Variants in ANKS1B observed in about 807,000 individuals in gnomAD.
The protein encoded by ANKS1B is ankyrin repeat and sterile alpha motif domain containing 1B.
In ANKS1B, 36 loss-of-function variants were observed where a neutral mutation model predicts 148.3. The ratio of observed to expected loss-of-function variants is 0.24; its 90% CI spans 0.19 to 0.32. ANKS1B has a LOEUF of 0.32. Among genes scored for constraint, ANKS1B ranks in the 10% least tolerant of loss-of-function variants. The pLI, the probability that ANKS1B is intolerant of heterozygous loss-of-function variation, is 1.00. For missense variants in ANKS1B, 1,157 were observed against 1,542.6 expected, an observed-to-expected ratio of 0.75 and a Z score of 4.19; for synonymous variants, 542 against 560.8, an observed-to-expected ratio of 0.97 and a Z score of 0.47.
chr12:99,374,973 T>C (rs1252798202), intron 12 of ANKS1B, among the ~76,000 whole-genome samples: 1 of 152,228 alleles, frequency 6.6e-6, no homozygotes, highest in East Asian at 1.9e-4. Flanking sequence ...TGTTGTAAAG[T>C]AATAATGACG....
At chr12:99,248,146 G>A (rs956057427) in intron 12 of ANKS1B, among the ~76,000 whole-genome samples, 16 of 151,990 alleles carry the variant, frequency 1.1e-4, no homozygotes, top group African/African-American at 3.1e-4. Flanking sequence ...CCAAAATATC[G>A]AATTCTCACA....
chr12:99,491,517 A>T (rs911572170), intron 10 of ANKS1B, among the ~76,000 whole-genome samples: 3 of 152,036 alleles, frequency 2.0e-5, no homozygotes, highest in Admixed American at 2.0e-4. Flanking sequence ...ATACTTATTT[A>T]TTCTGATCCT....
At chr12:98,913,990 A>G (rs1282298298) in intron 17 of ANKS1B, among the ~76,000 whole-genome samples, 1 of 152,128 alleles carries the variant, frequency 6.6e-6, no homozygotes, top group Non-Finnish European at 1.5e-5. Flanking sequence ...GCCAAAATCC[A>G]TGGGCTTATC....
chr12:99,769,977 T>C (rs1224456388), intron 8 of ANKS1B, among the ~76,000 whole-genome samples: 1 of 152,184 alleles, frequency 6.6e-6, no homozygotes, highest in Non-Finnish European at 1.5e-5. Flanking sequence ...GCTTAGTCTC[T>C]CCCTACCTCC....
intron 9 of ANKS1B, chr12:99,648,829 G>C (rs372189861): frequency 2.6e-5 from 41 of 1,572,530 alleles, no homozygotes; most frequent in Admixed American, 3.7e-5. Flanking sequence ...TGGATGCTTT[G>C]GGGGAGAGCA....
chr12:99,804,808 G>A (rs2067382250), intron 4 of ANKS1B, among the ~76,000 whole-genome samples: 1 of 152,132 alleles, frequency 6.6e-6, no homozygotes, highest in Admixed American at 6.5e-5. Flanking sequence ...TGGCAGAAGT[G>A]AAGGTGTACT....
intron 12 of ANKS1B, among the ~76,000 whole-genome samples, chr12:99,348,637 G>T (rs1254402820): frequency 2.0e-5 from 3 of 151,824 alleles, no homozygotes; most frequent in Non-Finnish European, 4.4e-5. Flanking sequence ...ACAGTGAAAT[G>T]ACTTATTTAA....
At chr12:99,278,814 A>G (rs980899856) in intron 12 of ANKS1B, among the ~76,000 whole-genome samples, 13 of 152,250 alleles carry the variant, frequency 8.5e-5, no homozygotes, top group Non-Finnish European at 1.9e-4. Flanking sequence ...CATCCTGAAA[A>G]TATGAAAGGA....
chr12:99,724,193 A>T (rs770039659), intron 8 of ANKS1B, among the ~76,000 whole-genome samples: 3 of 152,192 alleles, frequency 2.0e-5, no homozygotes, highest in Non-Finnish European at 2.9e-5. Context: ...GAAGGTGGGT[A>T]ATATCAAATT....
intron 9 of ANKS1B, among the ~76,000 whole-genome samples, chr12:99,521,337 G>T (rs1387577377): frequency 6.6e-6 from 1 of 152,080 alleles, no homozygotes. Context: ...CAGCTATTTT[G>T]AATTATCTGT....
intron 17 of ANKS1B, among the ~76,000 whole-genome samples, chr12:98,851,425 A>G (rs2099525006): frequency 6.6e-6 from 1 of 152,192 alleles, no homozygotes; most frequent in South Asian, 2.1e-4. Context: ...GATTCTACAC[A>G]GAGGAGACAC....
At position 98,752,346 on chromosome 12, in the gene ANKS1B, C is replaced by T. The variant is rs1041273948; in HGVS notation, c.3580-824G>A. On this transcript the variant is annotated intron_variant, in intron 25 of 26. Transcript: ENST00000683438. ...CAATCTTGGCTCACTGCAACCTCCA[C>T]CTCCCGGGTTCAAGCGATTCTCTTG... is the stretch of plus-strand genomic sequence containing the variant. Among the ~76,000 whole-genome samples, 3 of 152,148 alleles carry T rather than the reference C, an allele frequency of 2.0e-5. No individual in the cohort carries two copies. In the East Asian group the frequency reaches 5.8e-4, roughly 29 times the overall value.
chr12:99,231,294 C>T (rs1043170056), intron 14 of ANKS1B, among the ~76,000 whole-genome samples: 1 of 152,082 alleles, frequency 6.6e-6, no homozygotes, highest in African/African-American at 2.4e-5. Flanking sequence ...TCTACTTACA[C>T]CCCCTCAGAT....
intron 10 of ANKS1B, among the ~76,000 whole-genome samples, chr12:99,468,149 T>C (rs1342598297): frequency 1.3e-5 from 2 of 152,026 alleles, no homozygotes; most frequent in African/African-American, 4.8e-5. Flanking sequence ...TCTACAACTA[T>C]CTGATCTTTG....
chr12:98,745,294 G>C lies in ANKS1B; in HGVS notation c.*445C>G. The C allele has an allele frequency of 1.0e-6, 1 of 985,532 alleles. No individual in the cohort carries two copies. Among genetic ancestry groups the C allele is most frequent in the Non-Finnish European group, 1.2e-6 (1 of 830,130 alleles). The allele number at this position is 985,532 out of a possible 1,614,324, so 61.0% of individuals were successfully genotyped here. ...TTTTACAGATGCTTTGGAGGTGGGA[G>C]GGGTAGTGCTGCTCTGATTTCACCT... is the stretch of plus-strand genomic sequence containing the variant. On this transcript the variant is annotated 3_prime_UTR_variant, in exon 27 of 27. Transcript: ENST00000683438.
At chr12:99,469,025 G>C (rs1447745885) in intron 10 of ANKS1B, among the ~76,000 whole-genome samples, 1 of 151,952 alleles carries the variant, frequency 6.6e-6, no homozygotes, top group Non-Finnish European at 1.5e-5. Flanking sequence ...CAATAGCAAA[G>C]ACTTGGAACC....
chr12:99,109,228 T>C (rs1399878787), intron 15 of ANKS1B, among the ~76,000 whole-genome samples: 2 of 152,220 alleles, frequency 1.3e-5, no homozygotes, highest in Non-Finnish European at 2.9e-5. Context: ...TGCCTGTTTT[T>C]ATTAAATGAC....
At chr12:99,090,269 G>GT (rs199743499) in intron 15 of ANKS1B, among the ~76,000 whole-genome samples, 3,801 of 152,178 alleles carry the variant, frequency 0.025, 71 homozygotes, top group East Asian at 0.082. Context: ...ATTTCTTGTA[G>GT]TTTTTTAAAC....
At chr12:99,183,938 C>A (rs147404076) in intron 14 of ANKS1B, among the ~76,000 whole-genome samples, 4 of 152,022 alleles carry the variant, frequency 2.6e-5, no homozygotes, top group Non-Finnish European at 4.4e-5. Flanking sequence ...TGACAATATG[C>A]AATGAAAAAT....
Sources: gnomAD v4.1 joint callset for allele counts (sites outside exome capture counted in the v4.1 genomes callset) on GRCh38, gnomAD v4.1.1 for gene constraint, MANE v1.5 for transcripts, NCBI Gene and HGNC (gene_info 2026-07-23, HGNC 2026-07-21) for gene names.